The following KCNMA1 variants were observed in gnomAD, a reference collection of about 807,000 sequenced individuals.
KCNMA1 encodes the protein potassium calcium-activated channel subfamily M alpha 1.
In KCNMA1, 29 loss-of-function variants were observed where a neutral mutation model predicts 140.0. The ratio of observed to expected loss-of-function variants is 0.21; its 90% CI spans 0.15 to 0.28. KCNMA1 has a LOEUF of 0.28. Among genes scored for constraint, KCNMA1 ranks in the 10% least tolerant of loss-of-function variants. The probability of loss-of-function intolerance (pLI) is 1.00; values close to 1 mark genes in which losing one functional copy is unlikely to be tolerated. For synonymous variants in KCNMA1, 612 were observed against 611.9 expected (o/e 1.00, Z 0.00); for missense variants, 880 against 1,602.2 (o/e 0.55, Z 7.70).
intron 1 of KCNMA1, among the ~76,000 whole-genome samples, chr10:77,522,138 G>A (rs529968768): frequency 7.3e-4 from 110 of 151,484 alleles, no homozygotes; most frequent in African/African-American, 2.6e-3. Context: ...TCATGTCACT[G>A]CACTACTCCA....
intron 1 of KCNMA1, among the ~76,000 whole-genome samples, chr10:77,453,588 G>A (rs939637593): frequency 1.3e-5 from 2 of 152,174 alleles, no homozygotes; most frequent in East Asian, 1.9e-4. Context: ...TGGAGAGAGC[G>A]TCCAAGTCAC....
chr10:77,457,390 T>C (rs1181557149), intron 1 of KCNMA1, among the ~76,000 whole-genome samples: 2 of 152,150 alleles, frequency 1.3e-5, no homozygotes, highest in Non-Finnish European at 2.9e-5. Context: ...TCCATCATTA[T>C]ATCTATCACC....
At chr10:77,059,240 C>T (rs758379564) in intron 14 of KCNMA1, among the ~76,000 whole-genome samples, 1 of 151,728 alleles carries the variant, frequency 6.6e-6, no homozygotes, top group African/African-American at 2.4e-5. Flanking sequence ...AATCTAGGCC[C>T]AAACCTAGTA....
chr10:77,434,690 G>C (rs1430875592), intron 1 of KCNMA1, among the ~76,000 whole-genome samples: 1 of 152,182 alleles, frequency 6.6e-6, no homozygotes. Context: ...TCGAGCACTG[G>C]AAATACAAGG....
chr10:77,060,223 T>C (rs1166337711), intron 14 of KCNMA1, among the ~76,000 whole-genome samples: 2 of 152,210 alleles, frequency 1.3e-5, no homozygotes, highest in Admixed American at 6.5e-5. Context: ...TTAAAGTATA[T>C]ATGGAAAGAC....
chr10:77,032,170 G>A (rs2093981975), intron 15 of KCNMA1, among the ~76,000 whole-genome samples: 1 of 152,134 alleles, frequency 6.6e-6, no homozygotes, highest in African/African-American at 2.4e-5. Flanking sequence ...ACCTTCTAGA[G>A]ACCCTCTTAT....
In KCNMA1 at chr10:77,108,068, A is replaced by G. The variant is rs151009582; in HGVS notation, c.1223+413T>C. Among the ~76,000 whole-genome samples, 5 of 152,338 alleles carry G rather than the reference A, an allele frequency of 3.3e-5. No homozygotes were observed. Among genetic ancestry groups the G allele is most frequent in the African/African-American group, 1.2e-4 (5 of 41,594 alleles). On this transcript the variant is annotated intron_variant, in intron 9 of 27. Coordinates refer to ENST00000286628, the MANE Select transcript of KCNMA1 (RefSeq NM_001161352.2). The surrounding 1 kb of genome is among the most constrained non-coding windows in gnomAD (Gnocchi z 4.6). Reference sequence around the variant, plus strand: ...GCCCAGTTATAAATGGACTCCTTTCAGGATAAATTCATTACATCTCTTGGA... The same window carrying G: ...GCCCAGTTATAAATGGACTCCTTTCGGGATAAATTCATTACATCTCTTGGA...
chr10:77,393,854 A>T (rs1197801697), intron 2 of KCNMA1, among the ~76,000 whole-genome samples: 1 of 152,246 alleles, frequency 6.6e-6, no homozygotes, highest in East Asian at 1.9e-4. Context: ...CCCAGGCCCC[A>T]ACAGAGACTG....
At chr10:76,894,728 AG>A (rs556379226) in intron 25 of KCNMA1, among the ~76,000 whole-genome samples, 3 of 152,360 alleles carry the variant, frequency 2.0e-5, no homozygotes, top group South Asian at 4.1e-4. Flanking sequence ...GAGGCTCAAC[AG>A]CTCTAGTCAT....
chr10:77,566,632 C>T (rs1281629360), intron 1 of KCNMA1, among the ~76,000 whole-genome samples: 1 of 152,170 alleles, frequency 6.6e-6, no homozygotes, highest in Non-Finnish European at 1.5e-5. Context: ...AATTCCATTG[C>T]CATAACTTGG....
At chr10:76,878,119 A>G (rs1181732406) in intron 29 of KCNMA1, among the ~76,000 whole-genome samples, 1 of 152,176 alleles carries the variant, frequency 6.6e-6, no homozygotes, top group African/African-American at 2.4e-5. Context: ...ACTGGGACTC[A>G]TAGGCACCAT....
At chr10:76,936,191 G>A (rs753366652) in intron 23 of KCNMA1, among the ~76,000 whole-genome samples, 11 of 152,170 alleles carry the variant, frequency 7.2e-5, no homozygotes, top group African/African-American at 1.9e-4. Context: ...GGATGTCCAC[G>A]GAAGAAATGT....
At chr10:77,454,913 G>A (rs2097731857) in intron 1 of KCNMA1, among the ~76,000 whole-genome samples, 1 of 152,128 alleles carries the variant, frequency 6.6e-6, no homozygotes, top group Admixed American at 6.5e-5. Flanking sequence ...ATAAACTGCA[G>A]TCTGTCTGCA....
downstream of KCNMA1, among the ~76,000 whole-genome samples, chr10:76,881,881 G>C (rs1312853367): frequency 6.6e-6 from 1 of 152,076 alleles, no homozygotes; most frequent in African/African-American, 2.4e-5. Flanking sequence ...GTTATTTCTG[G>C]GGAGCTTAGG....
At chr10:77,434,547 C>A (rs1465542155) in intron 1 of KCNMA1, among the ~76,000 whole-genome samples, 8 of 152,188 alleles carry the variant, frequency 5.3e-5, no homozygotes, top group Non-Finnish European at 1.2e-4. Flanking sequence ...GACATACATT[C>A]TTTTGTATGA....
intron 3 of KCNMA1, among the ~76,000 whole-genome samples, chr10:77,213,323 C>G (rs11002086): frequency 0.22 from 33,695 of 151,976 alleles, 4,244 homozygotes; most frequent in Non-Finnish European, 0.27. Flanking sequence ...CCTAATGTAT[C>G]CTTTGACTTT....
chr10:77,563,330 T>C (rs138977897), intron 1 of KCNMA1, among the ~76,000 whole-genome samples: 26 of 151,664 alleles, frequency 1.7e-4, no homozygotes, highest in Non-Finnish European at 3.1e-4. Flanking sequence ...AAGAACCGCA[T>C]AGAATTCTCA....
intron 1 of KCNMA1, among the ~76,000 whole-genome samples, chr10:77,522,004 A>G (rs947166919): frequency 2.6e-5 from 4 of 151,926 alleles, no homozygotes; most frequent in African/African-American, 7.3e-5. Flanking sequence ...GGCAAAACCT[A>G]TCTCTACTAA....
chr10:76,985,046 C>T (rs2080853385), intron 19 of KCNMA1, among the ~76,000 whole-genome samples: 1 of 152,188 alleles, frequency 6.6e-6, no homozygotes, highest in South Asian at 2.1e-4. Context: ...GGCTTGCAGG[C>T]CATCTGTCTT....
Sources: allele counts gnomAD v4.1 joint callset (sites outside exome capture counted in the v4.1 genomes callset), GRCh38; gene constraint gnomAD v4.1.1; non-coding constraint Gnocchi (gnomAD v3.1); transcripts MANE v1.5; gene names NCBI Gene and HGNC (gene_info 2026-07-23, HGNC 2026-07-21).